Variants in DPH6 observed in about 807,000 individuals in gnomAD.
The protein encoded by DPH6 is diphthine--ammonia ligase.
Under a neutral mutation model 38.2 loss-of-function variants are expected in DPH6, and 33 were observed. That is an observed-to-expected ratio of 0.86 (90% CI 0.65 to 1.15). The LOEUF (loss-of-function observed/expected upper bound fraction) is 1.15. Ranked by LOEUF, DPH6 falls within the 50% of genes most tolerant of loss-of-function variation. The pLI is 0.00. For synonymous variants in DPH6, 108 were observed against 103.0 expected (o/e 1.05, Z -0.30); for missense variants, 325 against 320.0 (o/e 1.02, Z -0.12).
chr15:35,546,099 C>A lies in DPH6; in HGVS notation c.23+20G>T, dbSNP rs1158822036. On this transcript the variant is annotated intron_variant, in intron 1 of 8. Coordinates refer to ENST00000256538, the MANE Select transcript of DPH6 (RefSeq NM_080650.4). ...AGAGCCTGGCCTAGGAGGAAGGAGG[C>A]GGCTCCAGGACCGCATTACCTGATC... 1 of 1,383,396 alleles carries A rather than the reference C, an allele frequency of 7.2e-7. No homozygotes were observed. Among genetic ancestry groups the A allele is most frequent in the South Asian group, 1.7e-5 (1 of 58,410 alleles). The allele number at this position is 1,383,396 out of a possible 1,614,324, so 85.7% of individuals were successfully genotyped here.
Position 35,489,468 on chromosome 15 carries a change from G to A in DPH6, c.313-34648C>T, listed in dbSNP as rs928148444. The A allele has an allele frequency of 2.6e-5, 26 of 982,190 alleles. No individual in the cohort carries two copies. In the Middle Eastern group the frequency reaches 1.6e-3, roughly 59 times the overall value. 60.8% of individuals were successfully genotyped at this position (982,190 alleles called of 1,614,324 possible). On this transcript the variant is annotated intron_variant, in intron 3 of 8. Transcript: ENST00000256538. The stretch of plus-strand genomic sequence containing the variant: ...AGACTCAATTAATATATTACTCAAA[G>A]GCATATTAGGCATATAATAAATATG...
intron 3 of DPH6, among the ~76,000 whole-genome samples, chr15:35,498,767 A>G (rs1013065601): frequency 6.6e-6 from 1 of 151,946 alleles, no homozygotes; most frequent in Non-Finnish European, 1.5e-5. Context: ...TTTAGTCTCT[A>G]TTCATATAGC....
At chr15:35,290,590 G>C (rs1219644353) in intron 3 of DPH6, among the ~76,000 whole-genome samples, 1 of 152,144 alleles carries the variant, frequency 6.6e-6, no homozygotes, top group Admixed American at 6.5e-5. Flanking sequence ...ACAACCTTTT[G>C]TGGCAGTGTA....
intron 3 of DPH6, among the ~76,000 whole-genome samples, chr15:35,349,606 G>A (rs1246258895): frequency 6.6e-6 from 1 of 151,722 alleles, no homozygotes; most frequent in Non-Finnish European, 1.5e-5. Flanking sequence ...GCTAATTTTT[G>A]TTATTTTTAG....
intron 3 of DPH6, among the ~76,000 whole-genome samples, chr15:35,359,656 G>T (rs1053276034): frequency 3.3e-5 from 5 of 152,168 alleles, no homozygotes; most frequent in African/African-American, 7.2e-5. Context: ...GCCAGTGGGT[G>T]CATGTTTGGG....
chr15:35,347,233 A>G (rs2052470019), intron 3 of DPH6, among the ~76,000 whole-genome samples: 1 of 152,276 alleles, frequency 6.6e-6, no homozygotes, highest in East Asian at 1.9e-4. Context: ...ACTTGGAATC[A>G]TTCCATATTT....
intron 5 of DPH6, among the ~76,000 whole-genome samples, chr15:35,433,111 A>T (rs1255397034): frequency 6.6e-6 from 1 of 152,236 alleles, no homozygotes; most frequent in Admixed American, 6.5e-5. Flanking sequence ...GAAGTTTTGC[A>T]AATCAAAGTA....
At chr15:35,327,692 C>T (rs1595480901), downstream of DPH6, among the ~76,000 whole-genome samples, 2 of 152,316 alleles carry the variant, frequency 1.3e-5, no homozygotes, top group East Asian at 3.9e-4. Flanking sequence ...GTTCCAGTCC[C>T]ATCTTTGCTG....
intron 3 of DPH6, among the ~76,000 whole-genome samples, chr15:35,321,144 A>C (rs1424096832): frequency 2.0e-5 from 3 of 152,212 alleles, no homozygotes; most frequent in Non-Finnish European, 4.4e-5. Flanking sequence ...TTTCCTTCCT[A>C]ATCTTGTGGT....
chr15:35,177,765 C>A, the DPH6 span, among the ~76,000 whole-genome samples: 1 of 139,932 alleles, frequency 7.1e-6, no homozygotes, highest in East Asian at 2.0e-4. Context: ...CATGGAGAAA[C>A]CCCCATCTCT....
intron 6 of DPH6, chr15:35,400,921 A>T: frequency 9.7e-7 from 1 of 1,033,094 alleles, no homozygotes; most frequent in South Asian, 1.3e-5. Context: ...AAGGCCACAC[A>T]AGGTGGATGA....
chr15:35,245,903 C>T (rs1194986611), intron 3 of DPH6, among the ~76,000 whole-genome samples: 1 of 152,190 alleles, frequency 6.6e-6, no homozygotes, highest in Non-Finnish European at 1.5e-5. Flanking sequence ...TGTCAGGCCT[C>T]TGGGCCCAAG....
chr15:35,413,629 A>G (rs1371495442), intron 5 of DPH6, among the ~76,000 whole-genome samples: 1 of 151,480 alleles, frequency 6.6e-6, no homozygotes, highest in Middle Eastern at 3.2e-3. Flanking sequence ...TTTCTTATAT[A>G]TATTTTCCAT....
intron 3 of DPH6, among the ~76,000 whole-genome samples, chr15:35,471,981 A>C (rs143059836): frequency 6.6e-6 from 1 of 152,278 alleles, no homozygotes; most frequent in East Asian, 1.9e-4. Context: ...ATTTATTTTA[A>C]TTTATCATTT....
At position 35,348,844 on chromosome 15, in the gene DPH6, A is replaced by G. The variant is rs144458316; in HGVS notation, n.208-17767T>C. On this transcript the variant is annotated intron_variant and non_coding_transcript_variant, in intron 3 of 3. Transcript: ENST00000558973. Reference sequence around the variant, plus strand: ...TTTTCAGCAATGTTTTAGAATTCTCAGTGTATACGTTTTTTTCCTCCTGGA... The same window carrying G: ...TTTTCAGCAATGTTTTAGAATTCTCGGTGTATACGTTTTTTTCCTCCTGGA... Among the ~76,000 whole-genome samples the G allele has an allele frequency of 9.8e-3, 1,485 of 152,192 alleles. 11 individuals are homozygous for G. Among genetic ancestry groups the G allele is most frequent in the South Asian group, 0.053 (257 of 4,820 alleles).
intron 3 of DPH6, among the ~76,000 whole-genome samples, chr15:35,342,664 A>G (rs10519995): frequency 0.36 from 54,725 of 152,116 alleles, 11,620 homozygotes; most frequent in African/African-American, 0.6. Flanking sequence ...GGATTTTCAT[A>G]TCAAAACATA....
At chr15:35,436,420 G>T (rs368473395) in intron 5 of DPH6, among the ~76,000 whole-genome samples, 1 of 150,272 alleles carries the variant, frequency 6.7e-6, no homozygotes, top group Non-Finnish European at 1.5e-5. Flanking sequence ...GAGCCGAGAT[G>T]GCGCCACTGC....
At chr15:35,274,819 T>C (rs2051846615) in intron 3 of DPH6, among the ~76,000 whole-genome samples, 1 of 152,206 alleles carries the variant, frequency 6.6e-6, no homozygotes, top group Non-Finnish European at 1.5e-5. Flanking sequence ...TAAACCGTTG[T>C]GGATGACAGT....
the DPH6 span, among the ~76,000 whole-genome samples, chr15:35,147,961 A>G: frequency 6.6e-6 from 1 of 152,218 alleles, no homozygotes; most frequent in Admixed American, 6.5e-5. Context: ...ACAGCTCTGA[A>G]CGATGAATCA....
Sources: allele counts gnomAD v4.1 joint callset (sites outside exome capture counted in the v4.1 genomes callset), GRCh38; gene constraint gnomAD v4.1.1; transcripts MANE v1.5; gene names NCBI Gene and HGNC (gene_info 2026-07-23, HGNC 2026-07-21).